Variants in PHF20L1 observed in about 807,000 individuals in gnomAD.
The protein encoded by PHF20L1 is PHD finger protein 20 like 1.
In PHF20L1, 44 loss-of-function variants were observed where a neutral mutation model predicts 125.5. That is an observed-to-expected ratio of 0.35 (90% CI 0.28 to 0.45). The LOEUF (loss-of-function observed/expected upper bound fraction) is 0.45. Among genes scored for constraint, PHF20L1 ranks in the 20% least tolerant of loss-of-function variants. PHF20L1 has a pLI of 1.00. For synonymous variants in PHF20L1, 380 were observed against 403.1 expected (o/e 0.94, Z 0.69); for missense variants, 1,012 against 1,217.2 (o/e 0.83, Z 2.51).
At position 132,845,766 on chromosome 8, in the gene PHF20L1, T is replaced by C. The variant is rs769037198; in HGVS notation, c.2912-15T>C. The C allele has an allele frequency of 1.9e-6, 3 of 1,582,876 alleles. No individual in the cohort carries two copies. The highest frequency in any genetic ancestry group is 2.6e-6 in the Non-Finnish European group (3 of 1,152,872). On this transcript the variant is annotated splice_polypyrimidine_tract_variant and intron_variant, in intron 20 of 20. Transcript: ENST00000395386. ...AGTTGCAGTTTAAATTTGTTTATCTTCTTCTCTCTTTTAGTTCTGGAAAGC... is the reference window on the plus strand; with the variant it reads ...AGTTGCAGTTTAAATTTGTTTATCTCCTTCTCTCTTTTAGTTCTGGAAAGC...
chr8:132,828,892 G>C (rs1836479482), intron 14 of PHF20L1, among the ~76,000 whole-genome samples: 1 of 152,086 alleles, frequency 6.6e-6, no homozygotes, highest in South Asian at 2.1e-4. Flanking sequence ...CGAGGAGCTT[G>C]TAAGTCATTG....
chr8:132,801,488 T>A (rs1452055447), intron 6 of PHF20L1, among the ~76,000 whole-genome samples: 1 of 151,792 alleles, frequency 6.6e-6, no homozygotes, highest in Admixed American at 6.6e-5. Context: ...TATTCTATTA[T>A]GTTATCTACA....
chr8:132,815,155 C>T (rs1834814967), intron 10 of PHF20L1: 1 of 265,854 alleles, frequency 3.8e-6, no homozygotes, highest in Admixed American at 5.2e-5. Context: ...ATAATCCAAG[C>T]ATACTGAGAG....
chr8:132,834,143 C>G (rs1052427981), intron 15 of PHF20L1, among the ~76,000 whole-genome samples: 6 of 152,044 alleles, frequency 3.9e-5, no homozygotes, highest in Admixed American at 1.3e-4. Flanking sequence ...ACATAACTTT[C>G]AGCTCTGTCA....
intron 14 of PHF20L1, among the ~76,000 whole-genome samples, chr8:132,828,710 T>G (rs1177952066): frequency 6.6e-6 from 1 of 152,108 alleles, no homozygotes; most frequent in Non-Finnish European, 1.5e-5. Context: ...ATGTTGGGAT[T>G]TAAGAGTGTC....
intron 13 of PHF20L1, 77 bp downstream of exon 13, chr8:132,824,137 C>G (rs1247221672): frequency 3.4e-6 from 3 of 873,520 alleles, no homozygotes; most frequent in Admixed American, 4.6e-5. Flanking sequence ...GCCCCTTACT[C>G]TTTACCAGTT....
rs1341695749 is a variant in PHF20L1 at position 132,847,328 on chromosome 8, T to A, written c.*1405T>A. On this transcript the variant is annotated 3_prime_UTR_variant, in exon 21 of 21. Coordinates refer to ENST00000395386, the MANE Select transcript of PHF20L1 (RefSeq NM_016018.5). ...AAATGTATGTATAGGTTTTGAAATT[T>A]TTTTAAAAGGGGAGAAAGACTGTTA... The A allele has an allele frequency of 6.6e-6, 1 of 152,622 alleles. No homozygotes were observed. Among genetic ancestry groups the A allele is most frequent in the East Asian group, 1.9e-4 (1 of 5,198 alleles). 9.5% of individuals were successfully genotyped at this position (152,622 alleles called of 1,614,324 possible).
Position 132,794,421 on chromosome 8 carries a change from G to T in PHF20L1, c.95G>T (p.Arg32Leu). Residue 32 changes from arginine to leucine, a missense_variant, in exon 3 of 21, where the codon CGA (arginine) becomes CTA (leucine). By Grantham distance (102) the Arg-to-Leu change is moderately radical. Transcript: ENST00000395386. ...TTTTGATTTTTGAGGTATCCATCAC[G>T]AATTGAAAAAATTGACTATGAGGAG... is the stretch of plus-strand genomic sequence containing the variant. Reference protein sequence around the residue: ...LDYLQKWYPSRIEKIDYEEGK... With the variant: ...LDYLQKWYPSLIEKIDYEEGK... 6.2e-7 allele frequency: 1 copy of T among 1,603,898 alleles called. No individual in the cohort carries two copies. The highest frequency in any genetic ancestry group is 8.5e-7 in the Non-Finnish European group (1 of 1,172,580).
At chr8:132,797,876 A>C (rs1477305522) in intron 4 of PHF20L1, among the ~76,000 whole-genome samples, 1 of 152,052 alleles carries the variant, frequency 6.6e-6, no homozygotes, top group Non-Finnish European at 1.5e-5. Context: ...GTATCTGTTT[A>C]CTTAGAGTGG....
At chr8:132,811,670 A>G in intron 9 of PHF20L1, 1 of 985,370 alleles carries the variant, frequency 1.0e-6, no homozygotes, top group Middle Eastern at 5.2e-4. Flanking sequence ...GAGGAATTTA[A>G]AAGTGAAGGT....
chr8:132,835,700 C>T (rs1008301417), intron 15 of PHF20L1, among the ~76,000 whole-genome samples: 1 of 152,120 alleles, frequency 6.6e-6, no homozygotes, highest in Non-Finnish European at 1.5e-5. Flanking sequence ...TTGGGGAACT[C>T]ACGGTTCCGG....
intron 2 of PHF20L1, among the ~76,000 whole-genome samples, chr8:132,792,212 T>C (rs1429306321): frequency 6.6e-6 from 1 of 152,202 alleles, no homozygotes; most frequent in Non-Finnish European, 1.5e-5. Flanking sequence ...TTACCAATTT[T>C]TACAATTGAT....
chr8:132,839,601 AGGGAG>A lies in PHF20L1; in HGVS notation c.2387+22_2387+26del. On this transcript the variant is annotated intron_variant, in intron 18 of 20. Transcript: ENST00000395386. The stretch of plus-strand genomic sequence containing the variant: ...TACTAAAGTAAGTGAAGGGCAGCAA[AGGGAG>A]GGTCACACTTCAGTGGACGTTTTAA... The A allele has an allele frequency of 6.3e-7, 1 of 1,582,154 alleles. No homozygotes were observed. Among genetic ancestry groups the A allele is most frequent in the Non-Finnish European group, 8.7e-7 (1 of 1,152,102 alleles).
At chr8:132,825,889 G>T (rs1304014048) in intron 14 of PHF20L1, among the ~76,000 whole-genome samples, 1 of 152,046 alleles carries the variant, frequency 6.6e-6, no homozygotes, top group Non-Finnish European at 1.5e-5. Context: ...GGCTTCCAGA[G>T]GGAGCACTTC....
chr8:132,817,953 A>T (rs1290275712), intron 12 of PHF20L1: 1 of 154,548 alleles, frequency 6.5e-6, no homozygotes, highest in African/African-American at 2.4e-5. Context: ...ACTGAGCTAT[A>T]TGCCTGTATC....
intron 1 of PHF20L1, among the ~76,000 whole-genome samples, chr8:132,775,915 CTCTG>C (rs1190011267): frequency 3.3e-5 from 5 of 152,346 alleles, no homozygotes; most frequent in African/African-American, 7.2e-5. Context: ...GCCACCCCCT[CTCTG>C]TCTGGCCTCA....
At chr8:132,791,871 T>G (rs900859282) in intron 2 of PHF20L1, among the ~76,000 whole-genome samples, 1 of 152,214 alleles carries the variant, frequency 6.6e-6, no homozygotes, top group Non-Finnish European at 1.5e-5. Context: ...ATTTTCATTT[T>G]GGTTGATGCG....
rs930425918 is a variant in PHF20L1, at chr8:132,843,447, GT to G, written c.2748+580del. The stretch of plus-strand genomic sequence containing the variant: ...TAATGAGGCCACTTTAAAATTAGAT[GT>G]TTTTTTTCTGCATTCCTTAACAAGT... On this transcript the variant is annotated intron_variant, in intron 19 of 20. Transcript: ENST00000395386. The G allele has an allele frequency of 2.7e-4, 259 of 975,894 alleles. 2 individuals are homozygous for G. The highest frequency in any genetic ancestry group is 1.0e-3 in the Middle Eastern group (2 of 1,914). The allele number at this position is 975,894 out of a possible 1,614,324, so 60.5% of individuals were successfully genotyped here.
intron 8 of PHF20L1, chr8:132,809,354 A>G (rs1197684773): frequency 1.3e-5 from 2 of 151,928 alleles, no homozygotes; most frequent in Admixed American, 1.3e-4. Flanking sequence ...TTTAGTAGAG[A>G]TGGTGTTTCA....
Sources: gnomAD v4.1 joint callset for allele counts (sites outside exome capture counted in the v4.1 genomes callset) on GRCh38, gnomAD v4.1.1 for gene constraint, MANE v1.5 for transcripts, NCBI Gene and HGNC (gene_info 2026-07-23, HGNC 2026-07-21) for gene names.